Variants in TRPA1 observed in about 807,000 individuals in gnomAD.
TRPA1 encodes transient receptor potential cation channel subfamily A member 1.
In TRPA1, 129 loss-of-function variants were observed where a neutral mutation model predicts 131.3. That is an observed-to-expected ratio of 0.98 (90% confidence interval 0.85 to 1.14). TRPA1 has a LOEUF of 1.14. Ranked by LOEUF, TRPA1 falls within the 50% of genes most tolerant of loss-of-function variation. The pLI, the probability that TRPA1 is intolerant of heterozygous loss-of-function variation, is 0.00. For missense variants in TRPA1, 1,304 were observed against 1,354.2 expected (o/e 0.96, Z 0.58); for synonymous variants, 441 against 451.7 (o/e 0.98, Z 0.30).
rs756257925 is a variant in TRPA1, at chr8:72,052,617, G to GT, written c.1792dup (p.Thr598AsnfsTer10). 2.5e-6 allele frequency: 4 copies of GT among 1,613,426 alleles called. No homozygotes were observed. The highest frequency in any genetic ancestry group is 2.2e-5 in the East Asian group (1 of 44,850). ...AGTGTACCTTTTGCTCCTGATGATC[G>GT]TAAGAACAACCTCCTTCCTCTTATT... On this transcript the variant is annotated frameshift_variant, in exon 14 of 27. Transcript: ENST00000262209. LOFTEE classifies it high-confidence loss of function.
At chr8:72,083,994 G>A in the TRPA1 span, among the ~76,000 whole-genome samples, 10 of 152,112 alleles carry the variant, frequency 6.6e-5, no homozygotes, top group African/African-American at 2.4e-4. Context: ...TAAAAAAGCT[G>A]AACATATAAT....
rs1169885945 is a variant in TRPA1 at position 72,036,442 on chromosome 8, T to A, written c.2401A>T (p.Met801Leu). 1.2e-6 allele frequency: 2 copies of A among 1,613,484 alleles called. No homozygotes were observed. Among genetic ancestry groups the A allele is most frequent in the Non-Finnish European group, 1.7e-6 (2 of 1,179,648 alleles). ...QIFQQKRNYF[M>L]DISNVLEWII... Reference sequence around the variant, plus strand: ...CATTCAAGAACATTGCTTATATCCATAAAATAATTCCTTTTCTGGGATAGA... The same window carrying A: ...CATTCAAGAACATTGCTTATATCCAAAAAATAATTCCTTTTCTGGGATAGA... Residue 801 changes from methionine (M) to leucine (L), a missense_variant, in exon 21 of 27, where the codon ATG becomes TTG. By Grantham distance (15) the Met-to-Leu change is conservative. Coordinates refer to ENST00000262209, the MANE Select transcript of TRPA1 (RefSeq NM_007332.3).
chr8:72,062,882 G>A lies in TRPA1; in HGVS notation c.724C>T (p.Pro242Ser), dbSNP rs1275319873. Residue 242 changes from proline (P) to serine (S), a missense_variant, in exon 6 of 27, where the codon CCT (proline) becomes TCT (serine). Physicochemically the swap from Pro to Ser is moderately conservative, Grantham distance 74. Coordinates refer to ENST00000262209, the MANE Select transcript of TRPA1 (RefSeq NM_007332.3). ...CCATTTTGCACAGCCAGGTGGAGAG[G>A]GGTGGCTTTCCCATTATTCATAAAG... ...INFMNNGKAT[P>S]LHLAVQNGDL... 1.2e-6 allele frequency: 2 copies of A among 1,613,878 alleles called. No homozygotes were observed. Among genetic ancestry groups the A allele is most frequent in the Admixed American group, 3.3e-5 (2 of 59,970 alleles).
At chr8:72,089,467 A>G in the TRPA1 span, among the ~76,000 whole-genome samples, 2 of 152,288 alleles carry the variant, frequency 1.3e-5, no homozygotes, top group South Asian at 2.1e-4. Flanking sequence ...TGGAAGCTTT[A>G]GAATACTGAG....
rs147049105 is a variant in TRPA1 at position 72,051,755 on chromosome 8, T to C, written c.1811+844A>G. Reference sequence around the variant, plus strand: ...AGAAAGTGATATTATAAAGATATTATGAGAAGTGAGACTAACTATCCTCTA... The same window carrying C: ...AGAAAGTGATATTATAAAGATATTACGAGAAGTGAGACTAACTATCCTCTA... On this transcript the variant is annotated intron_variant, in intron 14 of 26. Transcript: ENST00000262209. Among the ~76,000 whole-genome samples, 327 of 152,310 alleles carry C rather than the reference T, an allele frequency of 2.1e-3. 1 individual carries two copies. The highest frequency in any genetic ancestry group is 7.3e-3 in the African/African-American group (305 of 41,576).
chr8:72,030,017 A>G lies in TRPA1; in HGVS notation c.2869-48T>C, dbSNP rs746571194. 3.0e-5 allele frequency: 46 copies of G among 1,519,848 alleles called. No homozygotes were observed. The South Asian group carries it at 4.8e-4, about 16-fold the overall frequency. 94.1% of individuals were successfully genotyped at this position (1,519,848 alleles called of 1,614,324 possible). A position where few individuals can be genotyped will look rare whatever the true frequency, so the allele number is the denominator to read the frequency against. ...ATCACTACAGTTGAATGGTCCACCT[A>G]AAAATGCATGTAAGGTCTGTCTTAG... is the stretch of plus-strand genomic sequence containing the variant. On this transcript the variant is annotated intron_variant, in intron 23 of 26. Coordinates refer to ENST00000262209, the MANE Select transcript of TRPA1 (RefSeq NM_007332.3).
chr8:72,037,952 C>T (rs776275920), intron 20 of TRPA1, 31 bp downstream of exon 20: 1 of 1,312,788 alleles, frequency 7.6e-7, no homozygotes, highest in Non-Finnish European at 1.1e-6. Context: ...AAAATATGTG[C>T]AACTTTAGAG....
intron 4 of TRPA1, among the ~76,000 whole-genome samples, chr8:72,063,918 T>TGA (rs1180181998): frequency 1.3e-5 from 2 of 152,156 alleles, no homozygotes. Flanking sequence ...GCAAATAAAG[T>TGA]GATATATCCT....
At chr8:72,025,051 TC>T (rs1187070838) in intron 25 of TRPA1, among the ~76,000 whole-genome samples, 1 of 152,104 alleles carries the variant, frequency 6.6e-6, no homozygotes, top group Non-Finnish European at 1.5e-5. Context: ...TCTTGCTTAG[TC>T]TTTGATCACT....
intron 23 of TRPA1, among the ~76,000 whole-genome samples, chr8:72,030,714 G>A (rs1191701472): frequency 1.3e-5 from 2 of 152,104 alleles, no homozygotes; most frequent in Non-Finnish European, 2.9e-5. Flanking sequence ...GTAGACAAGA[G>A]TGATTTAACA....
chr8:72,068,538 T>C (rs577127923), intron 3 of TRPA1, among the ~76,000 whole-genome samples: 1 of 152,374 alleles, frequency 6.6e-6, no homozygotes, highest in East Asian at 1.9e-4. Context: ...AATTATGTTT[T>C]CTGTTTTCAC....
At chr8:72,029,432 G>A (rs1355207807) in intron 24 of TRPA1, among the ~76,000 whole-genome samples, 2 of 152,176 alleles carry the variant, frequency 1.3e-5, no homozygotes, top group African/African-American at 4.8e-5. Context: ...CAGGTAACAT[G>A]CAAACAGACA....
chr8:72,029,160 T>C (rs1811714058), intron 24 of TRPA1, among the ~76,000 whole-genome samples: 2 of 152,194 alleles, frequency 1.3e-5, no homozygotes, highest in African/African-American at 4.8e-5. Context: ...ATGAGAGAGA[T>C]GTCACAAGAG....
At chr8:72,043,445 TTTA>T (rs1230375078) in intron 17 of TRPA1, among the ~76,000 whole-genome samples, 1 of 151,902 alleles carries the variant, frequency 6.6e-6, no homozygotes, top group Non-Finnish European at 1.5e-5. Flanking sequence ...GATATAGTAG[TTTA>T]TTAAGACCTT....
At chr8:72,069,759 AC>A (rs1806015813) in intron 2 of TRPA1, among the ~76,000 whole-genome samples, 1 of 152,232 alleles carries the variant, frequency 6.6e-6, no homozygotes, top group Non-Finnish European at 1.5e-5. Context: ...TAAAAAAAAA[AC>A]ATATATTCAT....
chr8:72,041,299 G>A (rs1473092447), intron 17 of TRPA1: 1 of 151,996 alleles, frequency 6.6e-6, no homozygotes, highest in African/African-American at 2.4e-5. Flanking sequence ...GTTATGGATA[G>A]AACAACCAGA....
At chr8:72,044,163 A>G (rs1010006232) in intron 17 of TRPA1, among the ~76,000 whole-genome samples, 1 of 151,568 alleles carries the variant, frequency 6.6e-6, no homozygotes, top group Non-Finnish European at 1.5e-5. Context: ...TATCAATTGG[A>G]TGCCCAGTGG....
chr8:72,071,744 T>G lies in TRPA1; in HGVS notation c.235A>C (p.Met79Leu). 1 of 1,613,850 alleles carries G rather than the reference T, an allele frequency of 6.2e-7. No individual in the cohort carries two copies. Among genetic ancestry groups the G allele is most frequent in the Non-Finnish European group, 8.5e-7 (1 of 1,179,858 alleles). ...YAAAEGQIEL[M>L]EKITRDSSLE... is the part of the protein sequence containing the mutation. Reference sequence around the variant, plus strand: ...GAGGAATCTCTGGTGATCTTCTCCATTAGCTCAATTTGGCCTTCTGCTGCA... The same window carrying G: ...GAGGAATCTCTGGTGATCTTCTCCAGTAGCTCAATTTGGCCTTCTGCTGCA... The change falls in exon 2 of 27, where the codon ATG (methionine) becomes CTG (leucine). Residue 79 changes from methionine (M) to leucine (L), a missense_variant. By Grantham distance (15) the Met-to-Leu change is conservative (BLOSUM62 2). Transcript: ENST00000262209.
intron 8 of TRPA1, among the ~76,000 whole-genome samples, chr8:72,058,553 G>T (rs1187952543): frequency 6.6e-6 from 1 of 152,100 alleles, no homozygotes; most frequent in Non-Finnish European, 1.5e-5. Context: ...AGATGACAAT[G>T]GGGGCAGCAT....
Sources: gnomAD v4.1 joint callset for allele counts (sites outside exome capture counted in the v4.1 genomes callset) on GRCh38, gnomAD v4.1.1 for gene constraint, MANE v1.5 for transcripts, NCBI Gene and HGNC (gene_info 2026-07-23, HGNC 2026-07-21) for gene names.